GPR39: variants seen among roughly 807,000 people sequenced by gnomAD.
GPR39 encodes the protein zinc sensing receptor.
A neutral mutation model predicts 18.4 loss-of-function variants in GPR39; 23 were observed. That is an observed-to-expected ratio of 1.25 (90% CI 0.90 to 1.77). GPR39 has a LOEUF of 1.77. Among genes scored for constraint, GPR39 ranks in the 40% most tolerant of loss-of-function variants. GPR39 has a pLI of 0.00. For synonymous variants in GPR39, 280 were observed against 257.9 expected, an observed-to-expected ratio of 1.09 and a Z score of -0.82; for missense variants, 647 against 602.4, an observed-to-expected ratio of 1.07 and a Z score of -0.78.
chr2:132,447,683 C>G (rs1280611744), intron 1 of GPR39, among the ~76,000 whole-genome samples: 1 of 151,996 alleles, frequency 6.6e-6, no homozygotes, highest in Non-Finnish European at 1.5e-5. Context: ...TGTTTTTTAG[C>G]AAAATTGGAG....
At chr2:132,579,916 G>A (rs909526275) in intron 1 of GPR39, among the ~76,000 whole-genome samples, 5 of 152,000 alleles carry the variant, frequency 3.3e-5, no homozygotes, top group African/African-American at 7.2e-5. Flanking sequence ...GAGACCTAAG[G>A]GTTATGTGAT....
intron 1 of GPR39, among the ~76,000 whole-genome samples, chr2:132,530,531 C>G (rs959553203): frequency 1.3e-5 from 2 of 151,826 alleles, no homozygotes; most frequent in Non-Finnish European, 2.9e-5. Flanking sequence ...CTTGAGAAGA[C>G]CAACTCCAAG....
chr2:132,513,004 T>C (rs1679267766), intron 1 of GPR39, among the ~76,000 whole-genome samples: 1 of 152,218 alleles, frequency 6.6e-6, no homozygotes, highest in Admixed American at 6.5e-5. Flanking sequence ...GCAGTCCTTC[T>C]GTGCCCATAT....
At chr2:132,597,234 G>T (rs986696098) in intron 1 of GPR39, among the ~76,000 whole-genome samples, 3 of 152,202 alleles carry the variant, frequency 2.0e-5, no homozygotes, top group Admixed American at 1.3e-4. Context: ...ATGTGGAAAG[G>T]GTAAGTGCCC....
intron 1 of GPR39, among the ~76,000 whole-genome samples, chr2:132,573,517 G>C (rs1680479478): frequency 6.6e-6 from 1 of 152,166 alleles, no homozygotes; most frequent in South Asian, 2.1e-4. Context: ...CCAGCAGTTA[G>C]AGTGACAAAA....
chr2:132,519,146 C>T (rs1679381357), intron 1 of GPR39, among the ~76,000 whole-genome samples: 1 of 152,176 alleles, frequency 6.6e-6, no homozygotes, highest in African/African-American at 2.4e-5. Flanking sequence ...GGCAAATTTA[C>T]AGTCTCTGTG....
chr2:132,453,838 A>G (rs1680671706), intron 1 of GPR39, among the ~76,000 whole-genome samples: 1 of 152,072 alleles, frequency 6.6e-6, no homozygotes. Context: ...TCATTGGTCT[A>G]TATGTCTGTT....
intron 1 of GPR39, among the ~76,000 whole-genome samples, chr2:132,454,832 G>A (rs541786130): frequency 3.3e-5 from 5 of 152,228 alleles, no homozygotes; most frequent in South Asian, 2.1e-4. Context: ...GGATGAAGCC[G>A]ACTTGATCAT....
intron 1 of GPR39, among the ~76,000 whole-genome samples, chr2:132,612,107 T>A (rs1183299352): frequency 1.3e-5 from 2 of 152,214 alleles, no homozygotes; most frequent in Non-Finnish European, 2.9e-5. Context: ...AATCATCATG[T>A]TAAGTTCTAA....
chr2:132,576,451 G>A (rs936564603), intron 1 of GPR39, among the ~76,000 whole-genome samples: 1 of 152,000 alleles, frequency 6.6e-6, no homozygotes, highest in African/African-American at 2.4e-5. Flanking sequence ...CCAGGAATTC[G>A]AGACCAGCCT....
At chr2:132,493,109 C>A in intron 1 of GPR39, among the ~76,000 whole-genome samples, 1 of 109,984 alleles carries the variant, frequency 9.1e-6, no homozygotes, top group African/African-American at 3.4e-5. Flanking sequence ...ATATATATAC[C>A]ATATATACAC....
At chr2:132,562,892 A>G (rs972547044) in intron 1 of GPR39, among the ~76,000 whole-genome samples, 1 of 152,184 alleles carries the variant, frequency 6.6e-6, no homozygotes, top group Admixed American at 6.5e-5. Context: ...ACTTAAGTCT[A>G]AAGTACCATA....
intron 1 of GPR39, among the ~76,000 whole-genome samples, chr2:132,613,816 C>G (rs947086140): frequency 1.3e-5 from 2 of 152,192 alleles, no homozygotes; most frequent in Non-Finnish European, 2.9e-5. Flanking sequence ...GTCTTTTTCA[C>G]TAGGTCACAA....
chr2:132,449,178 C>A (rs1680589521), intron 1 of GPR39, among the ~76,000 whole-genome samples: 1 of 152,204 alleles, frequency 6.6e-6, no homozygotes, highest in African/African-American at 2.4e-5. Context: ...TCGCCTTCCT[C>A]CCCAACAGAG....
At chr2:132,626,149 C>T (rs1462610275) in intron 1 of GPR39, among the ~76,000 whole-genome samples, 1 of 151,904 alleles carries the variant, frequency 6.6e-6, no homozygotes, top group East Asian at 1.9e-4. Context: ...GGTTAAATGA[C>T]ATCCCCCAAG....
At chr2:132,581,202 T>C (rs1680616502) in intron 1 of GPR39, among the ~76,000 whole-genome samples, 2 of 152,094 alleles carry the variant, frequency 1.3e-5, no homozygotes, top group Non-Finnish European at 2.9e-5. Flanking sequence ...TTTTGTTAAA[T>C]CATTTTGATT....
chr2:132,614,989 T>G (rs1681307545), intron 1 of GPR39, among the ~76,000 whole-genome samples: 1 of 152,224 alleles, frequency 6.6e-6, no homozygotes, highest in Admixed American at 6.5e-5. Flanking sequence ...AAGTTTGGTT[T>G]CCATCTGAGC....
chr2:132,452,262 A>G (rs1245664478), intron 1 of GPR39, among the ~76,000 whole-genome samples: 2 of 152,076 alleles, frequency 1.3e-5, no homozygotes, highest in Admixed American at 6.6e-5. Flanking sequence ...TTTTTCCAGG[A>G]TACTCTGTGA....
intron 1 of GPR39, among the ~76,000 whole-genome samples, chr2:132,486,591 G>A (rs1462223554): frequency 6.6e-6 from 1 of 152,178 alleles, no homozygotes; most frequent in Non-Finnish European, 1.5e-5. Context: ...ATGTTATCCA[G>A]ATGGCTTCCT....
Sources: allele counts gnomAD v4.1 joint callset (sites outside exome capture counted in the v4.1 genomes callset), GRCh38; gene constraint gnomAD v4.1.1; transcripts MANE v1.5; gene names NCBI Gene and HGNC (gene_info 2026-07-23, HGNC 2026-07-21).